Variants in COL4A3 observed in about 807,000 individuals in gnomAD.
COL4A3 encodes collagen type IV alpha 3 chain.
Under a neutral mutation model 217.4 loss-of-function variants are expected in COL4A3, and 135 were observed. The observed-to-expected ratio is 0.62, with a 90% CI of 0.54 to 0.72. The LOEUF (loss-of-function observed/expected upper bound fraction) is 0.72, where lower values mean the gene tolerates loss of function less well. Among genes scored for constraint, COL4A3 ranks in the 30% least tolerant of loss-of-function variants. COL4A3 has a pLI of 0.00. For missense variants in COL4A3, 1,868 were observed against 2,119.9 expected (o/e 0.88, Z 2.33); for synonymous variants, 690 against 736.3 (o/e 0.94, Z 1.02).
chr2:227,246,000 G>A lies in COL4A3; in HGVS notation c.371G>A (p.Gly124Glu), dbSNP rs748188535. 1.1e-5 allele frequency: 17 copies of A among 1,613,598 alleles called. No individual in the cohort carries two copies. Among genetic ancestry groups the A allele is most frequent in the Non-Finnish European group, 1.4e-5 (17 of 1,179,550 alleles). ...CCTTACGGACTTGTCGGTGTACCAG[G>A]ATGCAGTGGTTCTAAGGTAAGTACT... ...TGPYGLVGVP[G>E]CSGSKGEQGF... The change falls in exon 6 of 52, where the codon GGA becomes GAA. Residue 124 changes from glycine (G) to glutamate (E), a missense_variant. Gly to Glu is a moderately conservative substitution (Grantham distance 98, BLOSUM62 -2). Transcript: ENST00000396578.
chr2:227,197,998 G>A (rs1438097789), intron 1 of COL4A3, among the ~76,000 whole-genome samples: 1 of 152,220 alleles, frequency 6.6e-6, no homozygotes, highest in Non-Finnish European at 1.5e-5. Context: ...TTCTCTGTAA[G>A]TTGTGGAAAT....
At chr2:227,286,297 G>T (rs1415026966) in intron 34 of COL4A3, among the ~76,000 whole-genome samples, 1 of 144,458 alleles carries the variant, frequency 6.9e-6, no homozygotes, top group African/African-American at 2.5e-5. Context: ...TTCGAGACCA[G>T]CCTGGCCAAC....
At chr2:227,278,745 T>G (rs1426146918) in intron 28 of COL4A3, among the ~76,000 whole-genome samples, 1 of 152,226 alleles carries the variant, frequency 6.6e-6, no homozygotes, top group Non-Finnish European at 1.5e-5. Context: ...GACTGTTGAC[T>G]GTGGGAACCA....
intron 47 of COL4A3, 106 bp from the exon 48 acceptor site, chr2:227,307,604 C>T: frequency 1.0e-6 from 1 of 986,692 alleles, no homozygotes. Context: ...GGATTGCTTT[C>T]AATTTATGGG....
intron 1 of COL4A3, among the ~76,000 whole-genome samples, chr2:227,236,517 AT>A (rs1298584038): frequency 2.3e-4 from 35 of 152,198 alleles, no homozygotes; most frequent in African/African-American, 8.4e-4. Context: ...CATCCAGTAT[AT>A]CTCCTAGATT....
At chr2:227,219,813 CT>C (rs1210721614) in intron 1 of COL4A3, among the ~76,000 whole-genome samples, 1 of 152,120 alleles carries the variant, frequency 6.6e-6, no homozygotes, top group Non-Finnish European at 1.5e-5. Context: ...TGTTATCTGT[CT>C]AGTACTCTGT....
chr2:227,304,282 T>C (rs2073410896), intron 46 of COL4A3, 138 bp downstream of exon 46: 2 of 1,127,604 alleles, frequency 1.8e-6, no homozygotes, highest in East Asian at 2.5e-5. Context: ...AGTCTTAGGA[T>C]TGAGCTCATT....
chr2:227,225,597 CCAGGCCAAA>C, intron 1 of COL4A3, among the ~76,000 whole-genome samples: 1 of 151,540 alleles, frequency 6.6e-6, no homozygotes, highest in South Asian at 2.1e-4. Context: ...CAGGGTTGCA[CCAGGCCAAA>C]GCAAGTGAGA....
intron 38 of COL4A3, chr2:227,293,680 T>G (rs532170420): frequency 6.2e-6 from 3 of 481,966 alleles, no homozygotes; most frequent in Admixed American, 2.4e-5. Context: ...CTACACTTGA[T>G]GTTAGCCAAA....
rs1287813274 is a variant in COL4A3 at position 227,294,374 on chromosome 2, C to A, written c.3338-116C>A. The stretch of plus-strand genomic sequence containing the variant: ...ATGGGGTGACCTTGCAACAAGAGAG[C>A]TTCCTTAAGGCCAGCGTGAGCATGG... On this transcript the variant is annotated intron_variant, in intron 38 of 51. Coordinates refer to ENST00000396578, the MANE Select transcript of COL4A3 (RefSeq NM_000091.5). The A allele has an allele frequency of 3.7e-6, 3 of 808,708 alleles. No individual in the cohort carries two copies. The East Asian group carries it at 7.3e-5, about 20-fold the overall frequency. The allele number at this position is 808,708 out of a possible 1,614,324, so 50.1% of individuals were successfully genotyped here.
intron 1 of COL4A3, among the ~76,000 whole-genome samples, chr2:227,227,434 T>C (rs1036795475): frequency 2.0e-5 from 3 of 151,934 alleles, no homozygotes; most frequent in Admixed American, 2.0e-4. Flanking sequence ...CCATCTCTAC[T>C]GGAGAATCAT....
intron 22 of COL4A3, 67 bp downstream of exon 22, chr2:227,266,576 TC>T (rs1241873147): frequency 6.4e-6 from 8 of 1,253,800 alleles, no homozygotes; most frequent in Non-Finnish European, 9.3e-6. Context: ...CACTGATTTT[TC>T]CCCCTGAGAT....
intron 29 of COL4A3, 103 bp downstream of exon 29, chr2:227,279,993 C>G (rs548253980): frequency 2.8e-6 from 2 of 703,674 alleles, no homozygotes; most frequent in South Asian, 1.8e-5. Context: ...TAGAAATGAT[C>G]AATATATTTG....
intron 1 of COL4A3, among the ~76,000 whole-genome samples, chr2:227,219,182 T>C (rs2067657081): frequency 6.6e-6 from 1 of 151,990 alleles, no homozygotes; most frequent in Non-Finnish European, 1.5e-5. Context: ...TTTTTTTAAG[T>C]AGATACGGAG....
chr2:227,209,479 C>A lies in COL4A3; in HGVS notation c.88-28489C>A, dbSNP rs564410112. On this transcript the variant is annotated intron_variant, in intron 1 of 51. Coordinates refer to ENST00000396578, the MANE Select transcript of COL4A3 (RefSeq NM_000091.5). ...TCTGTTAACGCAGTACTAGCCCCAT[C>A]TCTTCTGTGAAGCCTCTGTGTCCGA... Among the ~76,000 whole-genome samples the A allele has an allele frequency of 1.2e-4, 18 of 152,328 alleles. 1 individual carries two copies. In the South Asian group the frequency reaches 3.7e-3, roughly 32 times the overall value.
intron 37 of COL4A3, among the ~76,000 whole-genome samples, chr2:227,291,567 AAAAAAAAAAAAACAAAAAAAAAAAAC>A (rs1235055757): frequency 3.2e-4 from 9 of 28,370 alleles, no homozygotes; most frequent in African/African-American, 1.0e-3. Flanking sequence ...CGTCTCAAAA[AAAAAAAAAAAAACAAAAAAAAAAAAC>A]AAAAAAAAAA....
chr2:227,286,754 A>G (rs146763479), intron 34 of COL4A3, among the ~76,000 whole-genome samples: 20 of 152,356 alleles, frequency 1.3e-4, no homozygotes, highest in Non-Finnish European at 2.6e-4. Context: ...GATTCAGATG[A>G]ACAAATAAAA....
At chr2:227,259,698 C>G (rs752302353) in intron 18 of COL4A3, 95 bp from the exon 19 acceptor site, 1 of 929,960 alleles carries the variant, frequency 1.1e-6, no homozygotes, top group Non-Finnish European at 1.8e-6. Flanking sequence ...AGGAAGCCAT[C>G]TTTGGGCCAA....
At chr2:227,180,276 C>A (rs2396463) in intron 1 of COL4A3, among the ~76,000 whole-genome samples, 26,351 of 152,154 alleles carry the variant, frequency 0.17, 2,458 homozygotes, top group Admixed American at 0.26. Flanking sequence ...GAGGTTCCAA[C>A]TGATTGGAAG....
Sources: allele counts gnomAD v4.1 joint callset (sites outside exome capture counted in the v4.1 genomes callset), GRCh38; gene constraint gnomAD v4.1.1; transcripts MANE v1.5; gene names NCBI Gene and HGNC (gene_info 2026-07-23, HGNC 2026-07-21).